The following SOAT1 variants were observed in gnomAD, a reference collection of about 807,000 sequenced individuals.
The protein encoded by SOAT1 is acyl-coenzyme A:cholesterol acyltransferase 1.
A neutral mutation model predicts 69.5 loss-of-function variants in SOAT1; 55 were observed. The ratio of observed to expected loss-of-function variants is 0.79; its 90% CI spans 0.64 to 0.99. The LOEUF (loss-of-function observed/expected upper bound fraction) is 0.99. SOAT1 is among the 50% of genes least tolerant of loss of function. SOAT1 has a pLI of 0.00. For synonymous variants in SOAT1, 231 were observed against 224.7 expected (o/e 1.03, Z -0.25); for missense variants, 580 against 669.3 (o/e 0.87, Z 1.47).
At position 179,342,140 on chromosome 1, in the gene SOAT1, A is replaced by G; in HGVS notation, c.807A>G (p.Ser269=). The G allele has an allele frequency of 6.2e-7, 1 of 1,613,680 alleles. No homozygotes were observed. Among genetic ancestry groups the G allele is most frequent in the Non-Finnish European group, 8.5e-7 (1 of 1,179,730 alleles). Residue 269 remains serine, a synonymous_variant, in exon 8 of 16, where the codon TCA becomes TCG. Transcript: ENST00000367619. ...EQIRFVMKAH[S]FVRENVPRVL... ...TTCGTTTTGTAATGAAGGCCCACTC[A>G]TTTGTCAGAGAGAACGTGCCTCGGG...
rs1256424854 is a variant in SOAT1 at position 179,348,845 on chromosome 1, A to G, written c.1217A>G (p.Asp406Gly). Residue 406 changes from aspartate to glycine, a missense_variant and splice_region_variant, in exon 13 of 16, where the codon GAT becomes GGT. By Grantham distance (94) the Asp-to-Gly change is moderately conservative. Transcript: ENST00000367619. ...TTATACCTTTACTTTTTCCCTCAGG[A>G]TTGGTGGAACTCCACGTCATACTCC... ...LRFGDRMFYKDWWNSTSYSNY... is the reference protein window; with the variant it reads ...LRFGDRMFYKGWWNSTSYSNY... 2 of 1,563,538 alleles carry G rather than the reference A, an allele frequency of 1.3e-6. No individual in the cohort carries two copies. The highest frequency in any genetic ancestry group is 1.8e-6 in the Non-Finnish European group (2 of 1,140,834).
rs547871029 is a variant in SOAT1, at chr1:179,297,461, G to C, written c.-9+3525G>C. On this transcript the variant is annotated intron_variant, in intron 1 of 15. Transcript: ENST00000367619. The stretch of plus-strand genomic sequence containing the variant: ...AAGCAATTCTCTGCTTCGGCCTCCC[G>C]AGTAGCTGGGATTACAGGCACCTGC... Among the ~76,000 whole-genome samples, 18 of 151,976 alleles carry C rather than the reference G, an allele frequency of 1.2e-4. No individual in the cohort carries two copies. In the South Asian group the frequency reaches 3.5e-3, roughly 30 times the overall value.
intron 1 of SOAT1, among the ~76,000 whole-genome samples, chr1:179,297,782 A>G (rs1664701091): frequency 6.7e-6 from 1 of 149,370 alleles, no homozygotes; most frequent in Admixed American, 6.7e-5. Flanking sequence ...CTGTAATCCC[A>G]GCACTTTGGG....
rs762519468 is a variant in SOAT1 at position 179,337,883 on chromosome 1, C to T, written c.376C>T (p.Arg126Cys). 1.2e-5 allele frequency: 20 copies of T among 1,608,188 alleles called. No individual in the cohort carries two copies. The highest frequency in any genetic ancestry group is 1.1e-4 in the East Asian group (5 of 44,826). The change falls in exon 5 of 16, where the codon CGC (arginine) becomes TGC (cysteine). Residue 126 changes from arginine to cysteine, a missense_variant. Transcript: ENST00000367619. Reference protein sequence around the residue: ...PEQGKIFIARRSLLDELLEVD... With the variant: ...PEQGKIFIARCSLLDELLEVD... ...ACAAGGAAAGATTTTTATTGCAAGG[C>T]GCTCTCTCTTAGAGTGAGTATTTTT...
At chr1:179,323,338 T>C (rs1217734639) in intron 2 of SOAT1, 99 bp from the exon 3 acceptor site, 1 of 958,746 alleles carries the variant, frequency 1.0e-6, no homozygotes, top group Non-Finnish European at 1.6e-6. Flanking sequence ...GTTTACGCAG[T>C]TACCTTTGTA....
intron 2 of SOAT1, among the ~76,000 whole-genome samples, chr1:179,309,154 G>A (rs1380714809): frequency 6.6e-6 from 1 of 152,164 alleles, no homozygotes; most frequent in East Asian, 1.9e-4. Context: ...TGCGATCTTG[G>A]CTCACTACAA....
chr1:179,299,457 G>C (rs757953893), intron 1 of SOAT1, among the ~76,000 whole-genome samples: 2 of 152,088 alleles, frequency 1.3e-5, no homozygotes, highest in Non-Finnish European at 2.9e-5. Flanking sequence ...ATTCTTTGAA[G>C]GCTTGAGTAG....
chr1:179,305,038 G>A (rs145166892), intron 2 of SOAT1, among the ~76,000 whole-genome samples: 12 of 152,314 alleles, frequency 7.9e-5, no homozygotes, highest in Non-Finnish European at 1.3e-4. Flanking sequence ...TATTTACAAG[G>A]TTGTGGAACC....
At chr1:179,323,363 A>G in intron 2 of SOAT1, 74 bp from the exon 3 acceptor site, 1 of 1,272,730 alleles carries the variant, frequency 7.9e-7, no homozygotes, top group Admixed American at 2.1e-5. Flanking sequence ...TTTGTTTTCA[A>G]CTTTATGATT....
At position 179,355,296 on chromosome 1, in the gene SOAT1, A is replaced by G. The variant is rs1571465774; in HGVS notation, c.*1655A>G. 1 of 152,184 alleles carries G rather than the reference A, an allele frequency of 6.6e-6. No individual in the cohort carries two copies. Among genetic ancestry groups the G allele is most frequent in the African/African-American group, 2.4e-5 (1 of 41,442 alleles). 9.4% of individuals were successfully genotyped at this position (152,184 alleles called of 1,614,324 possible). A position where few individuals can be genotyped will look rare whatever the true frequency, so the allele number is the denominator to read the frequency against. On this transcript the variant is annotated 3_prime_UTR_variant, in exon 16 of 16. Coordinates refer to ENST00000367619, the MANE Select transcript of SOAT1 (RefSeq NM_003101.6). ...TTCTTGACATTTTTCTTAAAATTAA[A>G]ACGAATTTTTATTTTGAATTTATAA...
intron 2 of SOAT1, among the ~76,000 whole-genome samples, chr1:179,306,933 C>T (rs1665028573): frequency 6.6e-6 from 1 of 151,884 alleles, no homozygotes; most frequent in South Asian, 2.1e-4. Flanking sequence ...AAGACATTTC[C>T]TTTTCAAAAC....
chr1:179,333,801 C>CA (rs1240238856), intron 3 of SOAT1, among the ~76,000 whole-genome samples: 22 of 39,252 alleles, frequency 5.6e-4, no homozygotes, highest in Non-Finnish European at 1.1e-3. Context: ...CCGTTGCCCT[C>CA]TAGCCTGGGC....
intron 2 of SOAT1, among the ~76,000 whole-genome samples, chr1:179,312,344 T>C (rs575222098): frequency 6.6e-6 from 1 of 152,222 alleles, no homozygotes; most frequent in East Asian, 1.9e-4. Flanking sequence ...AAGGGACAGA[T>C]AGAAATAATG....
At chr1:179,314,096 A>G (rs1254679647) in intron 2 of SOAT1, among the ~76,000 whole-genome samples, 1 of 152,186 alleles carries the variant, frequency 6.6e-6, no homozygotes, top group African/African-American at 2.4e-5. Context: ...TAATGTTTCT[A>G]GCATTTGTTC....
intron 2 of SOAT1, among the ~76,000 whole-genome samples, chr1:179,303,131 A>G (rs1664892562): frequency 6.6e-6 from 1 of 152,186 alleles, no homozygotes; most frequent in Admixed American, 6.5e-5. Context: ...TAAGTGAATG[A>G]CAAAACCTCC....
chr1:179,321,160 C>T (rs1262914325), intron 2 of SOAT1, among the ~76,000 whole-genome samples: 1 of 152,080 alleles, frequency 6.6e-6, no homozygotes, highest in East Asian at 1.9e-4. Flanking sequence ...CCTGCCTCGG[C>T]CTCCCAAAGT....
At chr1:179,320,535 G>C (rs1180747637) in intron 2 of SOAT1, among the ~76,000 whole-genome samples, 2 of 152,030 alleles carry the variant, frequency 1.3e-5, no homozygotes. Flanking sequence ...AAGAAGCCAG[G>C]TGAAATTTTA....
intron 7 of SOAT1, 37 bp from the exon 8 acceptor site, chr1:179,342,077 T>C (rs1245749594): frequency 1.2e-6 from 2 of 1,612,672 alleles, no homozygotes; most frequent in Admixed American, 1.7e-5. Flanking sequence ...CAGGAGACTT[T>C]CTTTGAAGAG....
intron 15 of SOAT1, among the ~76,000 whole-genome samples, chr1:179,352,087 T>C (rs1237408790): frequency 6.6e-6 from 1 of 151,936 alleles, no homozygotes; most frequent in African/African-American, 2.4e-5. Flanking sequence ...CTTTTTTTTT[T>C]TTTAAACCTC....
Sources: allele counts gnomAD v4.1 joint callset (sites outside exome capture counted in the v4.1 genomes callset), GRCh38; gene constraint gnomAD v4.1.1; transcripts MANE v1.5; gene names NCBI Gene and HGNC (gene_info 2026-07-23, HGNC 2026-07-21).